LSM8: variants seen among roughly 807,000 people sequenced by gnomAD.
LSM8 encodes the protein LSM8 U6 small nuclear RNA associated.
LSM8 carries 14 observed loss-of-function variants against 15.0 expected under a neutral mutation model. The observed-to-expected ratio is 0.93, with a 90% CI of 0.62 to 1.46. The LOEUF (loss-of-function observed/expected upper bound fraction) is 1.46, where lower values mean the gene tolerates loss of function less well. LSM8 is among the 40% of genes most tolerant of loss of function. LSM8 has a pLI of 0.00. For synonymous variants in LSM8, 50 were observed against 42.1 expected (o/e 1.19, Z -0.73); for missense variants, 90 against 115.4 (o/e 0.78, Z 1.01).
chr7:118,186,262 T>C (rs916842501), intron 2 of LSM8, among the ~76,000 whole-genome samples: 11 of 152,206 alleles, frequency 7.2e-5, no homozygotes, highest in Non-Finnish European at 2.9e-5. Flanking sequence ...AACGTTCCTA[T>C]AGTGATACTT....
Position 118,194,995 on chromosome 7 carries a change from C to T in LSM8, c.*2993C>T, listed in dbSNP as rs759220500. 4.6e-5 allele frequency among the ~76,000 whole-genome samples: 7 copies of T among 152,094 alleles called. No homozygotes were observed. The highest frequency in any genetic ancestry group is 8.8e-5 in the Non-Finnish European group (6 of 68,006). On this transcript the variant is annotated 3_prime_UTR_variant, in exon 4 of 4. Transcript: ENST00000249299. ...CTTTCAGCTTTTTATACAATACTGC[C>T]TGTTATCAGAAAGTATAGTCTTAAA...
Position 118,194,472 on chromosome 7 carries a change from C to CT in LSM8, c.*2471dup, listed in dbSNP as rs140013513. Among the ~76,000 whole-genome samples the CT allele has an allele frequency of 0.069, 10,420 of 151,930 alleles. 386 individuals are homozygous for CT. Among genetic ancestry groups the CT allele is most frequent in the East Asian group, 0.11 (565 of 5,176 alleles). ...TGGCCTCACATGCTGACAGTTTTGGCTAAATATTACAAATCTTGATCCCAG... is the reference window on the plus strand; with the variant it reads ...TGGCCTCACATGCTGACAGTTTTGGCTTAAATATTACAAATCTTGATCCCAG... On this transcript the variant is annotated 3_prime_UTR_variant, in exon 4 of 4. Coordinates refer to ENST00000249299, the MANE Select transcript of LSM8 (RefSeq NM_016200.5).
At chr7:118,186,131 A>T (rs1053968050) in intron 2 of LSM8, among the ~76,000 whole-genome samples, 2 of 152,180 alleles carry the variant, frequency 1.3e-5, no homozygotes, top group Non-Finnish European at 2.9e-5. Context: ...GTTGTGTGAC[A>T]TGTCTTCTGT....
Position 118,196,795 on chromosome 7 carries a change from T to G in LSM8, c.*4793T>G, listed in dbSNP as rs1216914581. On this transcript the variant is annotated 3_prime_UTR_variant, in exon 4 of 4. Coordinates refer to ENST00000249299, the MANE Select transcript of LSM8 (RefSeq NM_016200.5). ...GCCAGGCTGGAGTGCAGTGGTGCAA[T>G]CTTGGCTCACTACAACCTCCGCATC... Among the ~76,000 whole-genome samples, 1 of 151,484 alleles carries G rather than the reference T, an allele frequency of 6.6e-6. No homozygotes were observed. Among genetic ancestry groups the G allele is most frequent in the African/African-American group, 2.4e-5 (1 of 41,178 alleles).
chr7:118,202,251 G>A lies in LSM8; in HGVS notation c.*10249G>A, dbSNP rs1245543939. 6.6e-6 allele frequency among the ~76,000 whole-genome samples: 1 copy of A among 152,058 alleles called. No individual in the cohort carries two copies. On this transcript the variant is annotated 3_prime_UTR_variant, in exon 4 of 4. Transcript: ENST00000249299. ...AGGAAGTTACGATTATTATTGGTGA[G>A]TACATCAGTTAGAATGGTATTTGGC... is the stretch of plus-strand genomic sequence containing the variant.
rs1420150791 is a variant in LSM8, at chr7:118,197,110, A to G, written c.*5108A>G. Reference sequence around the variant, plus strand: ...TACAACTGGTATCAAATTCCCATCAATGTCCCTACAAGGATATGATACGCT... The same window carrying G: ...TACAACTGGTATCAAATTCCCATCAGTGTCCCTACAAGGATATGATACGCT... On this transcript the variant is annotated 3_prime_UTR_variant, in exon 4 of 4. Coordinates refer to ENST00000249299, the MANE Select transcript of LSM8 (RefSeq NM_016200.5). Among the ~76,000 whole-genome samples the G allele has an allele frequency of 1.3e-5, 2 of 151,988 alleles. No individual in the cohort carries two copies. Among genetic ancestry groups the G allele is most frequent in the Non-Finnish European group, 2.9e-5 (2 of 67,998 alleles).
Position 118,200,173 on chromosome 7 carries a change from C to G in LSM8, c.*8171C>G, listed in dbSNP as rs1809148770. Among the ~76,000 whole-genome samples the G allele has an allele frequency of 2.0e-5, 3 of 152,112 alleles. No individual in the cohort carries two copies. Among genetic ancestry groups the G allele is most frequent in the African/African-American group, 7.2e-5 (3 of 41,426 alleles). The stretch of plus-strand genomic sequence containing the variant: ...TTTCTGACTTCCAAATATAAACAAC[C>G]TAAGCATTGTGCAGTAGCCATGAGG... On this transcript the variant is annotated 3_prime_UTR_variant, in exon 4 of 4. Coordinates refer to ENST00000249299, the MANE Select transcript of LSM8 (RefSeq NM_016200.5).
At chr7:118,185,511 T>G in intron 1 of LSM8, 143 bp from the exon 2 acceptor site, 1 of 723,102 alleles carries the variant, frequency 1.4e-6, no homozygotes, top group Non-Finnish European at 2.3e-6. Context: ...ACTTTTAACG[T>G]TTTTATGTAG....
In LSM8 at chr7:118,195,989, C is replaced by A. The variant is rs1343434310; in HGVS notation, c.*3987C>A. ...TATTGATGTGAGATTTGGTCAGATGCTTTGATGTGATCTTCATTCCTCTGT... is the reference window on the plus strand; with the variant it reads ...TATTGATGTGAGATTTGGTCAGATGATTTGATGTGATCTTCATTCCTCTGT... On this transcript the variant is annotated 3_prime_UTR_variant, in exon 4 of 4. Coordinates refer to ENST00000249299, the MANE Select transcript of LSM8 (RefSeq NM_016200.5). Among the ~76,000 whole-genome samples, 4 of 152,128 alleles carry A rather than the reference C, an allele frequency of 2.6e-5. No homozygotes were observed. The highest frequency in any genetic ancestry group is 6.5e-5 in the Admixed American group (1 of 15,270).
At position 118,195,547 on chromosome 7, in the gene LSM8, C is replaced by T. The variant is rs182436256; in HGVS notation, c.*3545C>T. Reference sequence around the variant, plus strand: ...AGGAATTGAGGTTATGTGGGAAGTACGTGTAAGTTTACAGTATTAAGAAAT... The same window carrying T: ...AGGAATTGAGGTTATGTGGGAAGTATGTGTAAGTTTACAGTATTAAGAAAT... On this transcript the variant is annotated 3_prime_UTR_variant, in exon 4 of 4. Coordinates refer to ENST00000249299, the MANE Select transcript of LSM8 (RefSeq NM_016200.5). Among the ~76,000 whole-genome samples the T allele has an allele frequency of 1.5e-3, 231 of 152,174 alleles. 1 individual carries two copies. Among genetic ancestry groups the T allele is most frequent in the Non-Finnish European group, 2.6e-3 (180 of 68,000 alleles).
At chr7:118,185,797 C>T (rs1303454113) in intron 2 of LSM8, 103 bp downstream of exon 2, 5 of 970,168 alleles carry the variant, frequency 5.2e-6, no homozygotes, top group Non-Finnish European at 8.0e-6. Context: ...ACATTACACC[C>T]GTAGTGCAAT....
At chr7:118,188,469 TC>T (rs1460754666) in intron 3 of LSM8, 64 bp downstream of exon 3, 5 of 1,436,272 alleles carry the variant, frequency 3.5e-6, no homozygotes, top group Non-Finnish European at 4.8e-6. Flanking sequence ...GAAGAGGCTT[TC>T]CCCAAAATAC....
chr7:118,202,979 G>C lies in LSM8; in HGVS notation c.*10977G>C, dbSNP rs78887625. ...CCTTACTTTATCCTTCAGGATTCTG[G>C]CGTCAAGTCCCTCCCTATCAGTCTT... is the stretch of plus-strand genomic sequence containing the variant. On this transcript the variant is annotated 3_prime_UTR_variant, in exon 4 of 4. Coordinates refer to ENST00000249299, the MANE Select transcript of LSM8 (RefSeq NM_016200.5). Among the ~76,000 whole-genome samples, 336 of 151,858 alleles carry C rather than the reference G, an allele frequency of 2.2e-3. 1 individual carries two copies. The highest frequency in any genetic ancestry group is 7.5e-3 in the African/African-American group (310 of 41,424).
At chr7:118,190,319 G>A (rs1285029545) in intron 3 of LSM8, 1 of 152,174 alleles carries the variant, frequency 6.6e-6, no homozygotes, top group African/African-American at 2.4e-5. Flanking sequence ...GAACAACACT[G>A]TTTATATTGG....
At chr7:118,187,510 G>C (rs1808906666) in intron 2 of LSM8, among the ~76,000 whole-genome samples, 1 of 152,202 alleles carries the variant, frequency 6.6e-6, no homozygotes, top group African/African-American at 2.4e-5. Context: ...GAGACACACA[G>C]AACACTGGTA....
chr7:118,185,666 T>A lies in LSM8; in HGVS notation c.44T>A (p.Val15Asp), dbSNP rs762827622. 1 of 1,611,176 alleles carries A rather than the reference T, an allele frequency of 6.2e-7. No individual in the cohort carries two copies. Among genetic ancestry groups the A allele is most frequent in the South Asian group, 1.1e-5 (1 of 90,842 alleles). Residue 15 changes from valine to aspartate, a missense_variant, in exon 2 of 4, where the codon GTT becomes GAT. Transcript: ENST00000249299. Reference protein sequence around the residue: ...LENYINRTVAVITSDGRMIVG... With the variant: ...LENYINRTVADITSDGRMIVG... Reference sequence around the variant, plus strand: ...ATTCAGTTATCAGGAACTGTTGCCGTTATTACATCAGATGGGAGAATGATT... The same window carrying A: ...ATTCAGTTATCAGGAACTGTTGCCGATATTACATCAGATGGGAGAATGATT...
intron 3 of LSM8, chr7:118,188,855 C>A (rs1808929071): frequency 6.5e-6 from 1 of 152,814 alleles, no homozygotes; most frequent in African/African-American, 2.4e-5. Context: ...TGCTCAATAA[C>A]ATAGGTGTAT....
chr7:118,197,145 C>T lies in LSM8; in HGVS notation c.*5143C>T, dbSNP rs1231469514. Among the ~76,000 whole-genome samples, 1 of 151,586 alleles carries T rather than the reference C, an allele frequency of 6.6e-6. No homozygotes were observed. The highest frequency in any genetic ancestry group is 1.5e-5 in the Non-Finnish European group (1 of 67,942). On this transcript the variant is annotated 3_prime_UTR_variant, in exon 4 of 4. Coordinates refer to ENST00000249299, the MANE Select transcript of LSM8 (RefSeq NM_016200.5). ...AAGGATATGATACGCTTTCTCTCTT[C>T]TCTTTAGGGTAATGTTCAATTACAC... is the stretch of plus-strand genomic sequence containing the variant.
Position 118,199,589 on chromosome 7 carries a change from C to T in LSM8, c.*7587C>T, listed in dbSNP as rs1182292227. On this transcript the variant is annotated 3_prime_UTR_variant, in exon 4 of 4. Transcript: ENST00000249299. ...GGAAATTTTGGAATGGTGATTCTAA[C>T]CTTTAAGGTTGGTGCCATGGAAGGA... Among the ~76,000 whole-genome samples the T allele has an allele frequency of 6.6e-6, 1 of 152,182 alleles. No homozygotes were observed. The highest frequency in any genetic ancestry group is 1.9e-4 in the East Asian group (1 of 5,178).
Sources: gnomAD v4.1 joint callset for allele counts (sites outside exome capture counted in the v4.1 genomes callset) on GRCh38, gnomAD v4.1.1 for gene constraint, MANE v1.5 for transcripts, NCBI Gene and HGNC (gene_info 2026-07-23, HGNC 2026-07-21) for gene names.